The following KAZN variants were observed in gnomAD, a reference collection of about 807,000 sequenced individuals.
KAZN encodes kazrin.
A neutral mutation model predicts 87.4 loss-of-function variants in KAZN; 40 were observed. The ratio of observed to expected loss-of-function variants is 0.46; its 90% CI spans 0.36 to 0.60. The LOEUF is 0.60. KAZN is among the 20% of genes least tolerant of loss of function. The pLI is 0.00. For missense variants in KAZN, 898 were observed against 1,073.9 expected (o/e 0.84, Z 2.29); for synonymous variants, 466 against 458.3 (o/e 1.02, Z -0.22).
chr1:15,070,165 G>T lies in KAZN; in HGVS notation c.1222+4412G>T, dbSNP rs187432036. Among the ~76,000 whole-genome samples the T allele has an allele frequency of 1.7e-3, 254 of 152,350 alleles. 1 individual carries two copies. Among genetic ancestry groups the T allele is most frequent in the African/African-American group, 6.0e-3 (249 of 41,586 alleles). ...AGCAGTGAGGGGCTGCCGCCAAGCA[G>T]CTGGGCCTTCTCCCAGGGGGGCATC... On this transcript the variant is annotated intron_variant, in intron 8 of 14. Coordinates refer to ENST00000376030, the MANE Select transcript of KAZN (RefSeq NM_201628.3).
chr1:14,327,226 A>G (rs943741135), intron 2 of KAZN, among the ~76,000 whole-genome samples: 2 of 152,180 alleles, frequency 1.3e-5, no homozygotes, highest in Non-Finnish European at 1.5e-5. Flanking sequence ...TATACATAAT[A>G]CAATGTCACC....
chr1:14,277,179 A>G (rs1652427659), intron 2 of KAZN, among the ~76,000 whole-genome samples: 2 of 152,204 alleles, frequency 1.3e-5, no homozygotes, highest in South Asian at 4.1e-4. Flanking sequence ...CTCAAAAATT[A>G]ACAACGTATG....
In KAZN at chr1:14,735,847, C is replaced by T. The variant is rs530215823; in HGVS notation, c.226+136624C>T. On this transcript the variant is annotated intron_variant, in intron 1 of 14. Transcript: ENST00000376030. The surrounding 1 kb of genome is among the most constrained non-coding windows in gnomAD (Gnocchi z 4.3). ...TGCTGCTAAATAGCCACTTAATCCC[C>T]AGAGCCTTTGTGATTTGTAAGTTTC... Among the ~76,000 whole-genome samples, 1 of 152,294 alleles carries T rather than the reference C, an allele frequency of 6.6e-6. No homozygotes were observed. Among genetic ancestry groups the T allele is most frequent in the Non-Finnish European group, 1.5e-5 (1 of 68,036 alleles).
chr1:14,587,436 AAAAAAAAAAAG>A (rs1203637734), intron 2 of KAZN, among the ~76,000 whole-genome samples: 1 of 142,190 alleles, frequency 7.0e-6, no homozygotes, highest in Non-Finnish European at 1.5e-5. Flanking sequence ...ACTCCAACTC[AAAAAAAAAAAG>A]AAAAAAAAAA....
intron 2 of KAZN, among the ~76,000 whole-genome samples, chr1:14,228,390 A>G (rs1647489330): frequency 6.6e-6 from 1 of 152,162 alleles, no homozygotes; most frequent in African/African-American, 2.4e-5. Flanking sequence ...GAAACTGGGG[A>G]ACCAAGAAGT....
At chr1:14,156,752 A>G (rs901974492) in intron 1 of KAZN, among the ~76,000 whole-genome samples, 5 of 152,096 alleles carry the variant, frequency 3.3e-5, no homozygotes, top group Non-Finnish European at 5.9e-5. Context: ...TGTATCTTGA[A>G]GGCAACAAAT....
chr1:14,681,010 AAAGG>A (rs756608779), intron 1 of KAZN, among the ~76,000 whole-genome samples: 14 of 152,146 alleles, frequency 9.2e-5, no homozygotes, highest in Non-Finnish European at 1.9e-4. Context: ...GTTACAGGCA[AAAGG>A]AAGAGCAAGA....
chr1:14,798,161 C>T (rs994913130), intron 1 of KAZN, among the ~76,000 whole-genome samples: 1 of 152,156 alleles, frequency 6.6e-6, no homozygotes, highest in Non-Finnish European at 1.5e-5. Flanking sequence ...TTTGGGTCAC[C>T]TGCTCCATGC....
At chr1:14,420,356 A>G (rs1440490605) in intron 2 of KAZN, among the ~76,000 whole-genome samples, 2 of 152,212 alleles carry the variant, frequency 1.3e-5, no homozygotes, top group Non-Finnish European at 2.9e-5. Flanking sequence ...TGGTGCATTT[A>G]CAAACCTTGA....
At chr1:14,150,612 G>A (rs984456920) in intron 1 of KAZN, among the ~76,000 whole-genome samples, 2 of 152,142 alleles carry the variant, frequency 1.3e-5, no homozygotes, top group African/African-American at 4.8e-5. Context: ...AATTGAACTA[G>A]GCCTGGGAAA....
chr1:14,693,516 G>A lies in KAZN; in HGVS notation c.226+94293G>A, dbSNP rs117462974. Among the ~76,000 whole-genome samples the A allele has an allele frequency of 1.4e-4, 22 of 152,334 alleles. 1 individual carries two copies. In the East Asian group the frequency reaches 4.3e-3, roughly 29 times the overall value. On this transcript the variant is annotated intron_variant, in intron 1 of 14. Transcript: ENST00000376030. ...TTTTACCCTGAATCTGGAAAGCATA[G>A]CAGAGTCATGGGGTGGGACTGCCTG...
At chr1:14,729,640 C>G (rs533743162) in intron 1 of KAZN, among the ~76,000 whole-genome samples, 1 of 152,238 alleles carries the variant, frequency 6.6e-6, no homozygotes, top group East Asian at 1.9e-4. Context: ...AGAATCAGGC[C>G]AAGCTGAGGG....
At chr1:14,593,750 A>G (rs1676335721), upstream of KAZN, among the ~76,000 whole-genome samples, 2 of 152,244 alleles carry the variant, frequency 1.3e-5, no homozygotes, top group Admixed American at 1.3e-4. Flanking sequence ...AGATGCAGAG[A>G]GCCAGGGGGA....
chr1:15,106,164 C>G (rs1164250747), intron 13 of KAZN, among the ~76,000 whole-genome samples: 1 of 152,092 alleles, frequency 6.6e-6, no homozygotes. Flanking sequence ...ACCATATAAT[C>G]CCAGCTACTC....
intron 2 of KAZN, among the ~76,000 whole-genome samples, chr1:14,511,561 A>C (rs1302180835): frequency 6.6e-6 from 1 of 152,228 alleles, no homozygotes; most frequent in Non-Finnish European, 1.5e-5. Flanking sequence ...AATAATCACA[A>C]CACATTTATC....
At position 14,923,425 on chromosome 1, in the gene KAZN, G is replaced by A. The variant is rs1267683343; in HGVS notation, c.227-37259G>A. On this transcript the variant is annotated intron_variant, in intron 1 of 14. Transcript: ENST00000376030. The surrounding 1 kb of genome is among the most constrained non-coding windows in gnomAD (Gnocchi z 4.2). ...CCCTCCAAGGTGCCACTTCCTACAG[G>A]GTTTGCCTGGCCTTGTCACTGTTCC... Among the ~76,000 whole-genome samples, 2 of 152,182 alleles carry A rather than the reference G, an allele frequency of 1.3e-5. No individual in the cohort carries two copies. Among genetic ancestry groups the A allele is most frequent in the African/African-American group, 4.8e-5 (2 of 41,444 alleles).
At chr1:14,908,797 G>T (rs920998148) in intron 1 of KAZN, among the ~76,000 whole-genome samples, 1 of 152,018 alleles carries the variant, frequency 6.6e-6, no homozygotes, top group African/African-American at 2.4e-5. Context: ...GGTAGGTCAC[G>T]TGAGGTCAGG....
chr1:14,193,405 T>G (rs1483904396), intron 2 of KAZN, among the ~76,000 whole-genome samples: 3 of 151,910 alleles, frequency 2.0e-5, no homozygotes, highest in Admixed American at 6.6e-5. Context: ...GGGATTGGAG[T>G]GATGCGTCTG....
At chr1:14,117,169 A>T (rs1206484035) in intron 1 of KAZN, among the ~76,000 whole-genome samples, 3 of 152,092 alleles carry the variant, frequency 2.0e-5, no homozygotes, top group Non-Finnish European at 4.4e-5. Context: ...ATTGGTTTTG[A>T]TATGTGAGGA....
Sources: allele counts gnomAD v4.1 joint callset (sites outside exome capture counted in the v4.1 genomes callset), GRCh38; gene constraint gnomAD v4.1.1; non-coding constraint Gnocchi (gnomAD v3.1); transcripts MANE v1.5; gene names NCBI Gene and HGNC (gene_info 2026-07-23, HGNC 2026-07-21).